The following FSIP2 variants were observed in gnomAD, a reference collection of about 807,000 sequenced individuals.
The protein encoded by FSIP2 is fibrous sheath interacting protein 2.
FSIP2 carries 367 observed loss-of-function variants against 510.5 expected under a neutral mutation model. The ratio of observed to expected loss-of-function variants is 0.72; its 90% confidence interval spans 0.66 to 0.78. FSIP2 has a LOEUF of 0.78. Ranked by LOEUF, FSIP2 falls within the 30% of genes least tolerant of loss-of-function variation. FSIP2 has a pLI of 0.00. For synonymous variants in FSIP2, 2,601 were observed against 2,732.2 expected (o/e 0.95, Z 1.50); for missense variants, 7,594 against 7,901.7 (o/e 0.96, Z 1.48).
In FSIP2 at chr2:185,803,033, T is replaced by C; in HGVS notation, c.13727T>C (p.Ile4576Thr). 2 of 1,524,658 alleles carry C rather than the reference T, an allele frequency of 1.3e-6. No individual in the cohort carries two copies. The highest frequency in any genetic ancestry group is 1.8e-6 in the Non-Finnish European group (2 of 1,142,324). The allele number at this position is 1,524,658 out of a possible 1,614,324, so 94.4% of individuals were successfully genotyped here. ...TSSNDILIDR[I>T]AGFIIKHICQ... ...AGTAATGACATTCTTATAGATAGAA[T>C]AGCAGGTTTCATCATTAAACATATC... Residue 4576 changes from isoleucine (I) to threonine (T), a missense_variant, in exon 17 of 23, where the codon ATA becomes ACA. Coordinates refer to ENST00000424728, the MANE Select transcript of FSIP2 (RefSeq NM_173651.4).
chr2:185,793,443 G>A lies in FSIP2; in HGVS notation c.6307G>A (p.Glu2103Lys). The A allele has an allele frequency of 6.5e-7, 1 of 1,534,254 alleles. No individual in the cohort carries two copies. Among genetic ancestry groups the A allele is most frequent in the South Asian group, 1.2e-5 (1 of 84,004 alleles). ...TGAAGGTATCCTATGTGATATTTATGAAAAAACCCTGTTTCAGAATAATCT... is the reference window on the plus strand; with the variant it reads ...TGAAGGTATCCTATGTGATATTTATAAAAAAACCCTGTTTCAGAATAATCT... ...TIEGILCDIY[E>K]KTLFQNNLSF... The change falls in exon 16 of 23, where the codon GAA becomes AAA. Residue 2103 changes from glutamate to lysine, a missense_variant. By Grantham distance (56) the Glu-to-Lys change is moderately conservative. Coordinates refer to ENST00000424728, the MANE Select transcript of FSIP2 (RefSeq NM_173651.4).
At chr2:185,738,620 A>G (rs1426970485), upstream of FSIP2, 12 of 1,535,940 alleles carry the variant, frequency 7.8e-6, no homozygotes, top group Non-Finnish European at 1.0e-5. Flanking sequence ...TGATGGTTTC[A>G]GAGAAAGATG....
chr2:185,789,606 G>A lies in FSIP2; in HGVS notation c.2470G>A (p.Val824Met), dbSNP rs1350481908. ...DPMCDIAEDM[V>M]HAILEKLMTL... ...AATGTGTGATATTGCAGAGGACATG[G>A]TGCATGCCATTTTAGAAAAGCTAAT... Residue 824 changes from valine to methionine, a missense_variant, in exon 16 of 23, where the codon GTG becomes ATG. Val to Met is a conservative substitution (Grantham distance 21). Coordinates refer to ENST00000424728, the MANE Select transcript of FSIP2 (RefSeq NM_173651.4). The A allele has an allele frequency of 6.5e-7, 1 of 1,534,782 alleles. No homozygotes were observed. The highest frequency in any genetic ancestry group is 8.7e-7 in the Non-Finnish European group (1 of 1,145,882).
chr2:185,809,313 T>C (rs1051577146), intron 17 of FSIP2, among the ~76,000 whole-genome samples, 180 bp downstream of exon 17: 1 of 152,128 alleles, frequency 6.6e-6, no homozygotes, highest in Non-Finnish European at 1.5e-5. Context: ...GGATTTGTCA[T>C]GTTAGTTCTG....
Position 185,813,708 on chromosome 2 carries a change from A to T in FSIP2, c.19991A>T (p.Asp6664Val). The change falls in exon 18 of 23, where the codon GAT becomes GTT. Residue 6664 changes from aspartate to valine, a missense_variant. By Grantham distance (152) the Asp-to-Val change is radical (BLOSUM62 -3). Coordinates refer to ENST00000424728, the MANE Select transcript of FSIP2 (RefSeq NM_173651.4). The stretch of plus-strand genomic sequence containing the variant: ...TACATAAAAGAGGAACGAGATTCTG[A>T]TGAAGATGAAGTTGTTTTAACACAG... ...ENYIKEERDSDEDEVVLTQTF... is the reference protein window; with the variant it reads ...ENYIKEERDSVEDEVVLTQTF... 1 of 1,610,262 alleles carries T rather than the reference A, an allele frequency of 6.2e-7. No homozygotes were observed. The highest frequency in any genetic ancestry group is 8.5e-7 in the Non-Finnish European group (1 of 1,177,906).
rs918171690 is a variant in FSIP2, at chr2:185,804,548, C to G, written c.15242C>G (p.Ser5081Cys). 6.6e-7 allele frequency: 1 copy of G among 1,525,402 alleles called. No individual in the cohort carries two copies. Among genetic ancestry groups the G allele is most frequent in the Admixed American group, 2.0e-5 (1 of 49,456 alleles). The allele number at this position is 1,525,402 out of a possible 1,614,324, so 94.5% of individuals were successfully genotyped here. The change falls in exon 17 of 23, where the codon TCT (serine) becomes TGT (cysteine). Residue 5081 changes from serine (S) to cysteine (C), a missense_variant. Transcript: ENST00000424728. ...TTAGTTTCAGGAGAATTAGAGTCTT[C>G]TTCTTATTCGTATCCCCAAGCTGAT... ...QSLVSGELESSSYSYPQADNI... is the reference protein window; with the variant it reads ...QSLVSGELESCSYSYPQADNI...
Position 185,743,276 on chromosome 2 carries a change from C to T in FSIP2, c.369C>T (p.Tyr123=). 1 of 1,497,498 alleles carries T rather than the reference C, an allele frequency of 6.7e-7. No individual in the cohort carries two copies. Among genetic ancestry groups the T allele is most frequent in the Non-Finnish European group, 8.8e-7 (1 of 1,133,948 alleles). The allele number at this position is 1,497,498 out of a possible 1,614,324, so 92.8% of individuals were successfully genotyped here. ...DILKRLKKGG[Y]ITSNNKVVCT... ...TGAAGAGATTAAAGAAAGGTGGCTA[C>T]ATCACCAGCAATAATAAAGTGGGTT... The change falls in exon 3 of 23, where the codon TAC becomes TAT. Residue 123 remains tyrosine, a synonymous_variant. Coordinates refer to ENST00000424728, the MANE Select transcript of FSIP2 (RefSeq NM_173651.4).
chr2:185,801,105 T>C lies in FSIP2; in HGVS notation c.11799T>C (p.His3933=), dbSNP rs1354799451. The C allele has an allele frequency of 2.6e-6, 4 of 1,532,878 alleles. No individual in the cohort carries two copies. The highest frequency in any genetic ancestry group is 4.9e-5 in the East Asian group (2 of 40,830). The allele number at this position is 1,532,878 out of a possible 1,614,324, so 95.0% of individuals were successfully genotyped here. A position where few individuals can be genotyped will look rare whatever the true frequency, so the allele number is the denominator to read the frequency against. ...AAATACAAGCACCATTTAACAAGCA[T>C]TGTGCAGTAAAATCCTCTTCTGTGT... ...SSKIQAPFNK[H]CAVKSSSVSP... The change falls in exon 17 of 23, where the codon CAT becomes CAC. Residue 3933 remains histidine, a synonymous_variant. Coordinates refer to ENST00000424728, the MANE Select transcript of FSIP2 (RefSeq NM_173651.4).
intron 13 of FSIP2, among the ~76,000 whole-genome samples, chr2:185,782,127 C>T (rs554351055): frequency 2.0e-5 from 3 of 152,234 alleles, no homozygotes; most frequent in East Asian, 3.9e-4. Context: ...ATGTCAGTTC[C>T]TTTCTCTCTA....
At chr2:185,748,024 A>G (rs1692068654) in intron 7 of FSIP2, among the ~76,000 whole-genome samples, 1 of 152,110 alleles carries the variant, frequency 6.6e-6, no homozygotes. Flanking sequence ...ATGTTGATCT[A>G]AAATTCTAAA....
chr2:185,780,245 C>T (rs1350951860), intron 13 of FSIP2, among the ~76,000 whole-genome samples: 1 of 151,638 alleles, frequency 6.6e-6, no homozygotes, highest in African/African-American at 2.4e-5. Flanking sequence ...CAGCCATTTC[C>T]TCTTTCTATA....
In FSIP2 at chr2:185,743,238, C is replaced by T. The variant is rs1486058340; in HGVS notation, c.331C>T (p.Arg111Cys). 7.9e-6 allele frequency: 12 copies of T among 1,520,304 alleles called. No homozygotes were observed. The Admixed American group carries it at 1.3e-4, about 16-fold the overall frequency. The allele number at this position is 1,520,304 out of a possible 1,614,324, so 94.2% of individuals were successfully genotyped here. The change falls in exon 3 of 23, where the codon CGC (arginine) becomes TGC (cysteine). Residue 111 changes from arginine (R) to cysteine (C), a missense_variant. Coordinates refer to ENST00000424728, the MANE Select transcript of FSIP2 (RefSeq NM_173651.4). The part of the protein sequence containing the change: ...HDPHLKAYYK[R>C]KDILKRLKKG... ...TCCACATTTAAAAGCATACTATAAG[C>T]GCAAAGATATTTTGAAGAGATTAAA...
intron 20 of FSIP2, among the ~76,000 whole-genome samples, chr2:185,825,273 T>C (rs1001928429): frequency 1.3e-5 from 2 of 151,774 alleles, no homozygotes; most frequent in Admixed American, 1.3e-4. Flanking sequence ...ATTGTGGAAT[T>C]ATACTTTGTT....
chr2:185,816,877 G>T (rs963453433), intron 19 of FSIP2, among the ~76,000 whole-genome samples: 1 of 147,980 alleles, frequency 6.8e-6, no homozygotes, highest in African/African-American at 2.5e-5. Context: ...GAGAGAGAGA[G>T]AGAAGACGAA....
intron 2 of FSIP2, among the ~76,000 whole-genome samples, chr2:185,740,862 C>G (rs1387567518): frequency 1.3e-5 from 2 of 152,062 alleles, no homozygotes; most frequent in Non-Finnish European, 2.9e-5. Context: ...TGCCATCACA[C>G]TGAAGATTAG....
rs375013528 is a variant in FSIP2 at position 185,805,722 on chromosome 2, G to T, written c.16416G>T (p.Lys5472Asn). 1.2e-6 allele frequency: 2 copies of T among 1,606,590 alleles called. No individual in the cohort carries two copies. Among genetic ancestry groups the T allele is most frequent in the Admixed American group, 1.7e-5 (1 of 58,502 alleles). ...LEINRGTMNR[K>N]KSFKTKDTSV... Reference sequence around the variant, plus strand: ...TAAATAGAGGTACAATGAATAGAAAGAAAAGTTTTAAAACCAAGGACACAT... The same window carrying T: ...TAAATAGAGGTACAATGAATAGAAATAAAAGTTTTAAAACCAAGGACACAT... The change falls in exon 17 of 23, where the codon AAG becomes AAT. Residue 5472 changes from lysine (K) to asparagine (N), a missense_variant. Physicochemically the swap from Lys to Asn is moderately conservative, Grantham distance 94 (BLOSUM62 0). Coordinates refer to ENST00000424728, the MANE Select transcript of FSIP2 (RefSeq NM_173651.4).
Position 185,790,281 on chromosome 2 carries a change from A to G in FSIP2, c.3145A>G (p.Ile1049Val). 1 of 1,533,744 alleles carries G rather than the reference A, an allele frequency of 6.5e-7. No individual in the cohort carries two copies. Among genetic ancestry groups the G allele is most frequent in the South Asian group, 1.2e-5 (1 of 83,918 alleles). ...GNTCFECKRN[I>V]KPPTKPGSRS... ...CACTTGTTTTGAATGCAAAAGAAAT[A>G]TCAAACCACCTACAAAGCCTGGTTC... The change falls in exon 16 of 23, where the codon ATC (isoleucine) becomes GTC (valine). Residue 1049 changes from isoleucine (I) to valine (V), a missense_variant. Physicochemically the swap from Ile to Val is conservative, Grantham distance 29 (BLOSUM62 3). Coordinates refer to ENST00000424728, the MANE Select transcript of FSIP2 (RefSeq NM_173651.4).
Position 185,807,900 on chromosome 2 carries a change from T to A in FSIP2, c.18594T>A (p.His6198Gln). The A allele has an allele frequency of 1.9e-6, 3 of 1,602,422 alleles. No individual in the cohort carries two copies. Among genetic ancestry groups the A allele is most frequent in the Non-Finnish European group, 2.6e-6 (3 of 1,175,978 alleles). ...TTTTATCTATATTTCCAAAAGTACA[T>A]AAAGAAAGAACAAAATCTCTAGAGA... ...SKLLSIFPKV[H>Q]KERTKSLETD... Residue 6198 changes from histidine to glutamine, a missense_variant, in exon 17 of 23, where the codon CAT becomes CAA. Transcript: ENST00000424728.
At position 185,791,698 on chromosome 2, in the gene FSIP2, C is replaced by T. The variant is rs1356100896; in HGVS notation, c.4562C>T (p.Pro1521Leu). Reference protein sequence around the residue: ...AISESLDIDNPSFASIIEKMA... With the variant: ...AISESLDIDNLSFASIIEKMA... The stretch of plus-strand genomic sequence containing the variant: ...TCAGAGTCTCTTGACATTGACAACC[C>T]ATCATTTGCTTCAATTATTGAGAAA... The change falls in exon 16 of 23, where the codon CCA becomes CTA. Residue 1521 changes from proline to leucine, a missense_variant. By Grantham distance (98) the Pro-to-Leu change is moderately conservative (BLOSUM62 -3). Transcript: ENST00000424728. 1.2e-5 allele frequency: 18 copies of T among 1,534,154 alleles called. No homozygotes were observed. The highest frequency in any genetic ancestry group is 1.4e-5 in the Non-Finnish European group (16 of 1,145,572).
Sources: gnomAD v4.1 joint callset for allele counts (sites outside exome capture counted in the v4.1 genomes callset) on GRCh38, gnomAD v4.1.1 for gene constraint, MANE v1.5 for transcripts, NCBI Gene and HGNC (gene_info 2026-07-23, HGNC 2026-07-21) for gene names.